TMEM131L: variants seen among roughly 807,000 people sequenced by gnomAD.
TMEM131L encodes transmembrane 131 like, also known as transmembrane protein 131-like.
A neutral mutation model predicts 192.2 loss-of-function variants in TMEM131L; 54 were observed. That is an observed-to-expected ratio of 0.28 (90% CI 0.23 to 0.35). The LOEUF is 0.35. Among genes scored for constraint, TMEM131L ranks in the 10% least tolerant of loss-of-function variants. The pLI is 1.00. For missense variants in TMEM131L, 1,888 were observed against 1,972.9 expected (o/e 0.96, Z 0.82); for synonymous variants, 701 against 704.9 (o/e 0.99, Z 0.09).
At chr4:153,578,750 G>A (rs1242155270) in intron 7 of TMEM131L, among the ~76,000 whole-genome samples, 2 of 151,962 alleles carry the variant, frequency 1.3e-5, no homozygotes, top group Non-Finnish European at 2.9e-5. Context: ...TTGATCTCCT[G>A]ACCCCGTGAT....
chr4:153,584,923 G>C lies in TMEM131L; in HGVS notation c.1149G>C (p.Val383=). 1 of 1,612,614 alleles carries C rather than the reference G, an allele frequency of 6.2e-7. No individual in the cohort carries two copies. The highest frequency in any genetic ancestry group is 8.5e-7 in the Non-Finnish European group (1 of 1,178,678). ...TAAAAGCATGCCTCTTCTCTTCTGT[G>C]GCTCAGGGGTAGGTTACTTCCACTT... is the stretch of plus-strand genomic sequence containing the variant. The part of the protein sequence containing the change: ...PTLKACLFSS[V]AQGYFRMDSS... The change falls in exon 12 of 35, where the codon GTG becomes GTC. Residue 383 remains valine, a synonymous_variant. Coordinates refer to ENST00000409959, the MANE Select transcript of TMEM131L (RefSeq NM_001131007.2).
At chr4:153,490,818 G>A (rs1732722024) in intron 3 of TMEM131L, among the ~76,000 whole-genome samples, 1 of 151,948 alleles carries the variant, frequency 6.6e-6, no homozygotes, top group Non-Finnish European at 1.5e-5. Context: ...GCCAGGTCTG[G>A]TGACATGGGC....
intron 7 of TMEM131L, among the ~76,000 whole-genome samples, chr4:153,565,278 G>C (rs1415191394): frequency 6.6e-6 from 1 of 152,196 alleles, no homozygotes; most frequent in Non-Finnish European, 1.5e-5. Flanking sequence ...ATAGATAAAT[G>C]AGTCAATGGG....
chr4:153,545,775 G>A (rs746053729), intron 3 of TMEM131L, among the ~76,000 whole-genome samples: 5 of 152,176 alleles, frequency 3.3e-5, no homozygotes, highest in African/African-American at 7.2e-5. Flanking sequence ...TCAGCTCTTT[G>A]CAGAAGGTCT....
At position 153,555,927 on chromosome 4, in the gene TMEM131L, T is replaced by C. The variant is rs1728403564; in HGVS notation, c.432+17T>C. ...CCCTGCAGGGTGGGTGTTGATGGAC[T>C]CCTGGAAACTATGCCGTGGCAGGCA... On this transcript the variant is annotated intron_variant, in intron 5 of 34. Transcript: ENST00000409959. The surrounding 1 kb of genome is among the most constrained non-coding windows in gnomAD (Gnocchi z 4.1). The C allele has an allele frequency of 6.5e-7, 1 of 1,548,846 alleles. No individual in the cohort carries two copies. Among genetic ancestry groups the C allele is most frequent in the Non-Finnish European group, 8.7e-7 (1 of 1,145,456 alleles).
At chr4:153,535,277 G>A (rs1480004644) in intron 3 of TMEM131L, among the ~76,000 whole-genome samples, 1 of 152,138 alleles carries the variant, frequency 6.6e-6, no homozygotes, top group African/African-American at 2.4e-5. Flanking sequence ...TTGGGTGTGG[G>A]GGTAAGATCA....
At chr4:153,496,481 A>C (rs764559800) in intron 3 of TMEM131L, among the ~76,000 whole-genome samples, 2 of 152,194 alleles carry the variant, frequency 1.3e-5, no homozygotes, top group Non-Finnish European at 2.9e-5. Context: ...TCCCCTCTGC[A>C]TAGGTCACTG....
chr4:153,571,843 G>A (rs143087382), intron 7 of TMEM131L, among the ~76,000 whole-genome samples: 11 of 152,308 alleles, frequency 7.2e-5, no homozygotes, highest in East Asian at 1.9e-4. Flanking sequence ...TGACAGGTGT[G>A]AGCCACCATG....
At chr4:153,591,513 T>C (rs1313199732) in intron 17 of TMEM131L, among the ~76,000 whole-genome samples, 5 of 152,174 alleles carry the variant, frequency 3.3e-5, no homozygotes, top group African/African-American at 4.8e-5. Flanking sequence ...GCGAGTCAGG[T>C]TGTGCTCTCT....
At chr4:153,537,180 A>C (rs1736398663) in intron 3 of TMEM131L, among the ~76,000 whole-genome samples, 1 of 152,216 alleles carries the variant, frequency 6.6e-6, no homozygotes, top group Admixed American at 6.5e-5. Flanking sequence ...ATTTTATAAT[A>C]GTGGAAACTG....
intron 21 of TMEM131L, 199 bp from the exon 22 acceptor site, chr4:153,601,953 C>T (rs891730220): frequency 1.6e-5 from 6 of 373,628 alleles, no homozygotes; most frequent in Non-Finnish European, 2.8e-5. Flanking sequence ...TTAAGTATCT[C>T]TGTTATATCC....
At chr4:153,619,513 T>C (rs548688736) in intron 26 of TMEM131L, among the ~76,000 whole-genome samples, 2 of 152,346 alleles carry the variant, frequency 1.3e-5, no homozygotes, top group South Asian at 2.1e-4. Flanking sequence ...TACATACTTA[T>C]TGGGGGAAAC....
chr4:153,550,942 T>C (rs1214856430), intron 4 of TMEM131L, among the ~76,000 whole-genome samples: 1 of 152,154 alleles, frequency 6.6e-6, no homozygotes, highest in African/African-American at 2.4e-5. Context: ...CAGTGTGATA[T>C]GAGTGTCAGT....
At chr4:153,469,391 A>T (rs2149707430) in intron 2 of TMEM131L, among the ~76,000 whole-genome samples, 1 of 152,264 alleles carries the variant, frequency 6.6e-6, no homozygotes, top group East Asian at 1.9e-4. Context: ...AGTTTTGAAG[A>T]AAGTTATTTT....
At chr4:153,466,633 G>A (rs1730765758) in intron 1 of TMEM131L, 112 bp downstream of exon 1, 2 of 1,042,084 alleles carry the variant, frequency 1.9e-6, no homozygotes, top group Non-Finnish European at 2.4e-6. Flanking sequence ...GAAAGGGGCA[G>A]GAGGAGGAAG....
chr4:153,563,797 A>G (rs938925026), intron 7 of TMEM131L, among the ~76,000 whole-genome samples: 6 of 152,010 alleles, frequency 3.9e-5, no homozygotes, highest in Non-Finnish European at 8.8e-5. Context: ...CAGCGTTGTG[A>G]TATACACGAA....
At chr4:153,493,523 G>A (rs59530858) in intron 3 of TMEM131L, among the ~76,000 whole-genome samples, 8,554 of 152,048 alleles carry the variant, frequency 0.056, 579 homozygotes, top group East Asian at 0.23. Context: ...AGCCGGGCAT[G>A]GCGGTGCGCA....
intron 25 of TMEM131L, among the ~76,000 whole-genome samples, chr4:153,609,700 C>T (rs1264066764): frequency 6.6e-6 from 1 of 152,110 alleles, no homozygotes; most frequent in East Asian, 1.9e-4. Flanking sequence ...AATTTGGATC[C>T]TTCCTAAGAA....
chr4:153,499,438 T>C (rs1733428767), intron 3 of TMEM131L, among the ~76,000 whole-genome samples: 1 of 152,000 alleles, frequency 6.6e-6, no homozygotes. Context: ...GATTTTTTTT[T>C]TTTTTTTTGA....
Sources: allele counts gnomAD v4.1 joint callset (sites outside exome capture counted in the v4.1 genomes callset), GRCh38; gene constraint gnomAD v4.1.1; non-coding constraint Gnocchi (gnomAD v3.1); transcripts MANE v1.5; gene names NCBI Gene and HGNC (gene_info 2026-07-23, HGNC 2026-07-21).